The following THSD4 variants were observed in gnomAD, a reference collection of about 807,000 sequenced individuals.
The protein encoded by THSD4 is thrombospondin type-1 domain-containing protein 4.
Under a neutral mutation model 119.0 loss-of-function variants are expected in THSD4, and 69 were observed. That is an observed-to-expected ratio of 0.58 (90% CI 0.48 to 0.71). The LOEUF (loss-of-function observed/expected upper bound fraction) is 0.71. Among genes scored for constraint, THSD4 ranks in the 30% least tolerant of loss-of-function variants. The pLI, the probability that THSD4 is intolerant of heterozygous loss-of-function variation, is 0.00. For synonymous variants in THSD4, 524 were observed against 540.4 expected (o/e 0.97, Z 0.42); for missense variants, 1,393 against 1,391.1 (o/e 1.00, Z -0.02).
intron 6 of THSD4, among the ~76,000 whole-genome samples, chr15:71,306,194 T>C: frequency 6.6e-6 from 1 of 150,916 alleles, no homozygotes; most frequent in East Asian, 2.0e-4. Flanking sequence ...TAATCCCAGC[T>C]ACTCGGGAGG....
upstream of THSD4, chr15:71,111,762 C>T (rs528114399): frequency 2.3e-4 from 118 of 516,624 alleles, no homozygotes; most frequent in Middle Eastern, 1.5e-3. Context: ...GGGAATTATA[C>T]GGGGGTTTCC....
At chr15:71,561,197 A>C (rs1053222457) in intron 7 of THSD4, among the ~76,000 whole-genome samples, 4 of 151,456 alleles carry the variant, frequency 2.6e-5, no homozygotes, top group African/African-American at 9.7e-5. Context: ...GATGGTCTTG[A>C]TCTCCTGACC....
intron 7 of THSD4, among the ~76,000 whole-genome samples, chr15:71,643,422 G>C (rs534189115): frequency 6.6e-6 from 1 of 151,948 alleles, no homozygotes; most frequent in Admixed American, 6.5e-5. Context: ...ACGAAGCCTA[G>C]TACCCAATAG....
intron 7 of THSD4, among the ~76,000 whole-genome samples, chr15:71,576,782 G>T (rs2049455214): frequency 6.6e-6 from 1 of 152,002 alleles, no homozygotes; most frequent in Non-Finnish European, 1.5e-5. Flanking sequence ...CCCCCTTTCA[G>T]ATAAAAAGAT....
chr15:71,704,341 G>C (rs2052353866), intron 8 of THSD4, among the ~76,000 whole-genome samples: 1 of 152,202 alleles, frequency 6.6e-6, no homozygotes, highest in Admixed American at 6.5e-5. Context: ...CATGTCGTGG[G>C]AGGGTCCGGG....
chr15:71,768,869 C>T (rs1466946476), intron 16 of THSD4, among the ~76,000 whole-genome samples: 3 of 142,528 alleles, frequency 2.1e-5, no homozygotes, highest in Admixed American at 7.4e-5. Flanking sequence ...TGAGCCACTG[C>T]GCCCAGCAAT....
At chr15:71,611,234 T>A (rs1397625215) in intron 7 of THSD4, among the ~76,000 whole-genome samples, 1 of 152,218 alleles carries the variant, frequency 6.6e-6, no homozygotes, top group African/African-American at 2.4e-5. Context: ...CCATTTCCCT[T>A]GTGTATCCTC....
intron 3 of THSD4, among the ~76,000 whole-genome samples, chr15:71,173,651 A>T (rs1185725808): frequency 6.6e-6 from 1 of 151,402 alleles, no homozygotes. Context: ...TTCTATTTCA[A>T]AGAAATAGAA....
chr15:71,181,304 A>T (rs2043523275), intron 3 of THSD4, among the ~76,000 whole-genome samples: 1 of 152,262 alleles, frequency 6.6e-6, no homozygotes, highest in African/African-American at 2.4e-5. Flanking sequence ...TTCAGTGTTC[A>T]CTAATTTGTG....
chr15:71,209,746 T>C (rs1432548444), intron 3 of THSD4, among the ~76,000 whole-genome samples: 2 of 152,154 alleles, frequency 1.3e-5, no homozygotes, highest in African/African-American at 4.8e-5. Context: ...TCTTGAACTG[T>C]ATGTAGGTCC....
chr15:71,512,735 C>T (rs910460491), intron 7 of THSD4, among the ~76,000 whole-genome samples: 1 of 148,074 alleles, frequency 6.8e-6, no homozygotes, highest in African/African-American at 2.4e-5. Flanking sequence ...AATTCTTTTC[C>T]TTTTTTTTCT....
chr15:71,582,699 T>G (rs2049583324), intron 7 of THSD4, among the ~76,000 whole-genome samples: 1 of 152,190 alleles, frequency 6.6e-6, no homozygotes, highest in African/African-American at 2.4e-5. Context: ...GATGTTGAAT[T>G]TTGTCAAATG....
intron 8 of THSD4, among the ~76,000 whole-genome samples, chr15:71,719,751 C>A (rs1345448639): frequency 6.6e-6 from 1 of 152,212 alleles, no homozygotes; most frequent in Non-Finnish European, 1.5e-5. Context: ...TCTCAGCTCA[C>A]TGCAGCCTCA....
intron 6 of THSD4, among the ~76,000 whole-genome samples, chr15:71,323,237 G>C (rs2045295276): frequency 1.3e-5 from 2 of 151,928 alleles, no homozygotes; most frequent in African/African-American, 4.8e-5. Flanking sequence ...CCACCCAAAA[G>C]CATGGATACT....
intron 1 of THSD4, among the ~76,000 whole-genome samples, chr15:71,103,415 A>T (rs966860127): frequency 9.9e-5 from 15 of 152,008 alleles, no homozygotes; most frequent in African/African-American, 3.4e-4. Flanking sequence ...GCTAAAACAT[A>T]AGTTTGTGGG....
intron 4 of THSD4, among the ~76,000 whole-genome samples, chr15:71,229,074 G>C (rs920129631): frequency 2.6e-5 from 4 of 152,170 alleles, no homozygotes; most frequent in Non-Finnish European, 5.9e-5. Context: ...TGGGAATTTG[G>C]TATTTAAAAG....
chr15:71,155,784 C>T (rs75958390), intron 3 of THSD4, among the ~76,000 whole-genome samples: 101 of 152,264 alleles, frequency 6.6e-4, no homozygotes, highest in African/African-American at 2.4e-3. Flanking sequence ...GGGACGCAGT[C>T]ACTGCCAACT....
chr15:71,254,459 G>C (rs1206474985), intron 5 of THSD4, among the ~76,000 whole-genome samples: 2 of 152,232 alleles, frequency 1.3e-5, no homozygotes. Flanking sequence ...TGCTGCACAG[G>C]TTAGGATGCA....
At chr15:71,748,945 C>T (rs1421522839) in intron 14 of THSD4, among the ~76,000 whole-genome samples, 5 of 152,240 alleles carry the variant, frequency 3.3e-5, no homozygotes. Flanking sequence ...CTGCTTTTTG[C>T]CAACTCAAAA....
Sources: gnomAD v4.1 joint callset for allele counts (sites outside exome capture counted in the v4.1 genomes callset) on GRCh38, gnomAD v4.1.1 for gene constraint, MANE v1.5 for transcripts, NCBI Gene and HGNC (gene_info 2026-07-23, HGNC 2026-07-21) for gene names.